The following MYO5A variants were observed in gnomAD, a reference collection of about 807,000 sequenced individuals.
The protein encoded by MYO5A is unconventional myosin-Va.
In MYO5A, 98 loss-of-function variants were observed where a neutral mutation model predicts 249.7. That is an observed-to-expected ratio of 0.39 (90% CI 0.33 to 0.46). The LOEUF (loss-of-function observed/expected upper bound fraction) is 0.46. Ranked by LOEUF, MYO5A falls within the 20% of genes least tolerant of loss-of-function variation. MYO5A has a pLI of 0.98. For synonymous variants in MYO5A, 778 were observed against 810.6 expected (o/e 0.96, Z 0.68); for missense variants, 1,696 against 2,308.8 (o/e 0.73, Z 5.44).
chr15:52,506,355 AAAT>A (rs1566865391), intron 1 of MYO5A, among the ~76,000 whole-genome samples: 1 of 151,072 alleles, frequency 6.6e-6, no homozygotes, highest in East Asian at 2.0e-4. Context: ...TGTCTCAAAA[AAAT>A]AATAATAATA....
chr15:52,475,903 T>A (rs1440106090), intron 1 of MYO5A, among the ~76,000 whole-genome samples: 2 of 152,216 alleles, frequency 1.3e-5, no homozygotes, highest in African/African-American at 4.8e-5. Flanking sequence ...GTCTATTAGG[T>A]ACACTTGGTG....
chr15:52,478,899 G>A (rs2076656957), intron 1 of MYO5A, among the ~76,000 whole-genome samples: 2 of 152,122 alleles, frequency 1.3e-5, no homozygotes, highest in Non-Finnish European at 2.9e-5. Flanking sequence ...GTGTACTGCA[G>A]TTAATTTTGT....
At chr15:52,406,451 A>AT (rs2043006777) in intron 8 of MYO5A, among the ~76,000 whole-genome samples, 1 of 152,188 alleles carries the variant, frequency 6.6e-6, no homozygotes, top group African/African-American at 2.4e-5. Context: ...ATGAATCACC[A>AT]ATAGATTTTG....
At position 52,439,202 on chromosome 15, in the gene MYO5A, C is replaced by T. The variant is rs375648013; in HGVS notation, c.28-5917G>A. Among the ~76,000 whole-genome samples, 18 of 152,276 alleles carry T rather than the reference C, an allele frequency of 1.2e-4. No individual in the cohort carries two copies. The East Asian group carries it at 1.4e-3, about 11-fold the overall frequency. On this transcript the variant is annotated intron_variant, in intron 1 of 41. Transcript: ENST00000399233. Reference sequence around the variant, plus strand: ...GCTTGCCACCATCTTGGAAGTGGCCCGCCGCCATTTTGGAAGTGGCCTGCC... The same window carrying T: ...GCTTGCCACCATCTTGGAAGTGGCCTGCCGCCATTTTGGAAGTGGCCTGCC...
In MYO5A at chr15:52,397,465, G is replaced by A. The variant is rs765760929; in HGVS notation, c.1055C>T (p.Pro352Leu). 42 of 1,613,732 alleles carry A rather than the reference G, an allele frequency of 2.6e-5. No homozygotes were observed. The highest frequency in any genetic ancestry group is 3.6e-5 in the Non-Finnish European group (42 of 1,179,782). Residue 352 changes from proline to leucine, a missense_variant and splice_region_variant, in exon 10 of 42, where the codon CCC becomes CTC. Transcript: ENST00000399233. ...SRDADSCTIPPKHEPLCIFCE... is the reference protein window; with the variant it reads ...SRDADSCTIPLKHEPLCIFCE... ...GAAGATGCAGAGAGGTTCATGCTTGGGCTGCCAAAAGATAATGAGTTATTT... is the reference window on the plus strand; with the variant it reads ...GAAGATGCAGAGAGGTTCATGCTTGAGCTGCCAAAAGATAATGAGTTATTT...
Position 52,391,939 on chromosome 15 carries a change from C to T in MYO5A, c.1533G>A (p.Glu511=). ...AGGAAATCATACTTACCTTGCATTC[C>T]TCATCCAGTAAATCTAGAATGCCTA... is the stretch of plus-strand genomic sequence containing the variant. ...SKLGILDLLD[E]ECKMPKGTDD... is the part of the protein sequence containing the mutation. Residue 511 remains glutamate (E), a synonymous_variant, in exon 12 of 42, where the codon GAG becomes GAA. Transcript: ENST00000399233. The T allele has an allele frequency of 6.2e-7, 1 of 1,612,890 alleles. No individual in the cohort carries two copies. The highest frequency in any genetic ancestry group is 8.5e-7 in the Non-Finnish European group (1 of 1,179,408).
intron 1 of MYO5A, among the ~76,000 whole-genome samples, chr15:52,482,727 A>AT (rs1256275970): frequency 7.2e-5 from 11 of 151,888 alleles, no homozygotes; most frequent in Admixed American, 1.3e-4. Context: ...CTTTAAAAAA[A>AT]TTTTTTTAAG....
At chr15:52,398,862 A>G (rs560045186) in intron 9 of MYO5A, among the ~76,000 whole-genome samples, 69 of 152,202 alleles carry the variant, frequency 4.5e-4, no homozygotes, top group African/African-American at 1.5e-3. Context: ...AGTGGCAGAC[A>G]CCTGTAATCC....
chr15:52,385,260 T>C (rs1222739506), intron 14 of MYO5A, among the ~76,000 whole-genome samples: 1 of 152,196 alleles, frequency 6.6e-6, no homozygotes, highest in Non-Finnish European at 1.5e-5. Context: ...CTATTAACCT[T>C]AATACAACCT....
intron 1 of MYO5A, among the ~76,000 whole-genome samples, chr15:52,514,607 AG>A (rs902871649): frequency 1.4e-4 from 21 of 152,228 alleles, no homozygotes; most frequent in Admixed American, 6.5e-5. Flanking sequence ...AGGCAGGCCC[AG>A]GGCGAAGGCA....
intron 12 of MYO5A, among the ~76,000 whole-genome samples, chr15:52,390,858 CCTT>C (rs2042202399): frequency 6.6e-6 from 1 of 152,118 alleles, no homozygotes; most frequent in African/African-American, 2.4e-5. Context: ...TCATGCCCGG[CCTT>C]CTTTAACTCT....
chr15:52,495,208 T>C (rs1298498396), intron 1 of MYO5A, among the ~76,000 whole-genome samples: 1 of 152,152 alleles, frequency 6.6e-6, no homozygotes, highest in Admixed American at 6.5e-5. Flanking sequence ...CACAATAGAA[T>C]ACTACTAATC....
At chr15:52,347,317 A>G (rs2039688256) in intron 29 of MYO5A, among the ~76,000 whole-genome samples, 1 of 152,196 alleles carries the variant, frequency 6.6e-6, no homozygotes, top group African/African-American at 2.4e-5. Context: ...TATATTCAGT[A>G]CATGTATCCC....
At position 52,312,744 on chromosome 15, in the gene MYO5A, A is replaced by G. The variant is rs1260466606; in HGVS notation, c.*952T>C. On this transcript the variant is annotated 3_prime_UTR_variant, in exon 42 of 42. Coordinates refer to ENST00000399233, the MANE Select transcript of MYO5A (RefSeq NM_001382347.1). Reference sequence around the variant, plus strand: ...AAGGAATCAGATCTGGTAGTTAAAAATAAGTCACTTCACAGAACACTGTAC... The same window carrying G: ...AAGGAATCAGATCTGGTAGTTAAAAGTAAGTCACTTCACAGAACACTGTAC... 1 of 152,244 alleles carries G rather than the reference A, an allele frequency of 6.6e-6. No homozygotes were observed. Among genetic ancestry groups the G allele is most frequent in the African/African-American group, 2.4e-5 (1 of 41,464 alleles). The allele number at this position is 152,244 out of a possible 1,614,324, so 9.4% of individuals were successfully genotyped here.
chr15:52,472,422 T>TTATTATACTTTATTATACTTTAAGTA (rs1223947983), intron 1 of MYO5A, among the ~76,000 whole-genome samples: 5 of 152,104 alleles, frequency 3.3e-5, no homozygotes, highest in African/African-American at 1.2e-4. Context: ...TACTTTAAGT[T>TTATTATACTTTATTATACTTTAAGTA]CTAGGGTACA....
intron 1 of MYO5A, among the ~76,000 whole-genome samples, chr15:52,472,300 C>T (rs1406327324): frequency 3.9e-5 from 6 of 152,104 alleles, no homozygotes; most frequent in Admixed American, 6.5e-5. Context: ...AGGATGGTCT[C>T]GATCGCCTGA....
chr15:52,426,748 A>G (rs2075404090), intron 3 of MYO5A, among the ~76,000 whole-genome samples: 1 of 152,214 alleles, frequency 6.6e-6, no homozygotes, highest in Non-Finnish European at 1.5e-5. Flanking sequence ...GGTAAGCCAC[A>G]GCACAGGTGA....
chr15:52,383,072 G>C lies in MYO5A; in HGVS notation c.2012+19C>G. 6.4e-7 allele frequency: 1 copy of C among 1,571,730 alleles called. No individual in the cohort carries two copies. Among genetic ancestry groups the C allele is most frequent in the Non-Finnish European group, 8.8e-7 (1 of 1,141,410 alleles). On this transcript the variant is annotated intron_variant, in intron 16 of 41. Transcript: ENST00000399233. The stretch of plus-strand genomic sequence containing the variant: ...TATAAGATATGTACTTTTTCACTGG[G>C]TGGTTCAGAAATACTTACGTGAATG...
chr15:52,365,595 T>G (rs1232362054), intron 23 of MYO5A, among the ~76,000 whole-genome samples: 1 of 152,230 alleles, frequency 6.6e-6, no homozygotes, highest in African/African-American at 2.4e-5. Context: ...GCTTCACCAC[T>G]GCTTTCTCTG....
Sources: gnomAD v4.1 joint callset for allele counts (sites outside exome capture counted in the v4.1 genomes callset) on GRCh38, gnomAD v4.1.1 for gene constraint, MANE v1.5 for transcripts, NCBI Gene and HGNC (gene_info 2026-07-23, HGNC 2026-07-21) for gene names.